Variants in MAST4 observed in about 807,000 individuals in gnomAD.
MAST4 encodes the protein microtubule associated serine/threonine kinase family member 4, also known as microtubule-associated serine/threonine-protein kinase 4.
A neutral mutation model predicts 162.7 loss-of-function variants in MAST4; 89 were observed. The observed-to-expected ratio is 0.55, with a 90% CI of 0.46 to 0.65. The LOEUF (loss-of-function observed/expected upper bound fraction) is 0.65. Ranked by LOEUF, MAST4 falls within the 30% of genes least tolerant of loss-of-function variation. The pLI, the probability that MAST4 is intolerant of heterozygous loss-of-function variation, is 0.00. For missense variants in MAST4, 3,153 were observed against 3,374.0 expected, an observed-to-expected ratio of 0.93 and a Z score of 1.62; for synonymous variants, 1,479 against 1,361.1, an observed-to-expected ratio of 1.09 and a Z score of -1.91.
intron 2 of MAST4, among the ~76,000 whole-genome samples, chr5:66,775,664 CTTCAAAAGAACAAT>C (rs1225546097): frequency 6.3e-4 from 57 of 90,894 alleles, no homozygotes; most frequent in Middle Eastern, 6.1e-3. Flanking sequence ...AAAAATGGTT[CTTCAAAAGAACAAT>C]GGTTCTTTTG....
At chr5:66,868,473 G>A (rs1335748028) in intron 3 of MAST4, among the ~76,000 whole-genome samples, 3 of 144,996 alleles carry the variant, frequency 2.1e-5, no homozygotes, top group African/African-American at 5.1e-5. Context: ...ATATATATAC[G>A]CAAATAACCA....
chr5:66,879,580 C>G (rs909827920), intron 3 of MAST4, among the ~76,000 whole-genome samples: 1 of 152,198 alleles, frequency 6.6e-6, no homozygotes, highest in African/African-American at 2.4e-5. Context: ...CCATCACTCA[C>G]GGCTCACTGT....
At chr5:67,146,490 T>C (rs891258586) in intron 23 of MAST4, among the ~76,000 whole-genome samples, 3 of 152,252 alleles carry the variant, frequency 2.0e-5, no homozygotes, top group Non-Finnish European at 4.4e-5. Context: ...ATTGCTGTAA[T>C]GAATGTTTTC....
At chr5:66,673,389 G>C (rs1403232874) in intron 1 of MAST4, among the ~76,000 whole-genome samples, 2 of 150,648 alleles carry the variant, frequency 1.3e-5, no homozygotes, top group Non-Finnish European at 2.9e-5. Flanking sequence ...TGTTCTAAAG[G>C]TATTTATTGT....
chr5:66,849,967 C>A (rs533825351), intron 3 of MAST4, among the ~76,000 whole-genome samples: 1 of 152,260 alleles, frequency 6.6e-6, no homozygotes, highest in African/African-American at 2.4e-5. Flanking sequence ...TATTACCTCA[C>A]AGGCATGAGG....
intron 3 of MAST4, among the ~76,000 whole-genome samples, chr5:66,807,691 T>G (rs189902091): frequency 2.2e-3 from 340 of 151,988 alleles, no homozygotes; most frequent in Non-Finnish European, 4.0e-3. Context: ...GAATTTGCAT[T>G]CTCATACTCA....
At chr5:66,602,172 C>T (rs545097266) in intron 1 of MAST4, among the ~76,000 whole-genome samples, 26 of 152,164 alleles carry the variant, frequency 1.7e-4, no homozygotes, top group African/African-American at 2.4e-4. Context: ...ATTACCATGA[C>T]GGGAGAGTGA....
In MAST4 at chr5:67,163,236, G is replaced by C; in HGVS notation, c.4057G>C (p.Gly1353Arg). Residue 1353 changes from glycine to arginine, a missense_variant, in exon 29 of 29, where the codon GGT becomes CGT. Around this residue, in one of 7 missense-constraint regions of MAST4, gnomAD observed 619 missense variants for 744.2 expected, o/e 0.83. Coordinates refer to ENST00000403625, the MANE Select transcript of MAST4 (RefSeq NM_001164664.2). The surrounding 1 kb of genome is among the most constrained non-coding windows in gnomAD (Gnocchi z 7.0). ...GCACATCCGGCCCAGCACTCTCCAC[G>C]GTCTTGCACCCAAACTCGGCGGGCA... Reference protein sequence around the residue: ...SGHIRPSTLHGLAPKLGGQRY... With the variant: ...SGHIRPSTLHRLAPKLGGQRY... 1.2e-6 allele frequency: 2 copies of C among 1,613,768 alleles called. No homozygotes were observed. The highest frequency in any genetic ancestry group is 1.7e-6 in the Non-Finnish European group (2 of 1,179,876).
intron 15 of MAST4, among the ~76,000 whole-genome samples, 165 bp downstream of exon 15, chr5:67,130,583 G>A (rs1224199439): frequency 2.0e-5 from 3 of 152,282 alleles, no homozygotes; most frequent in South Asian, 2.1e-4. Flanking sequence ...ATAATTGCTT[G>A]TAAAGTGCCT....
At chr5:66,938,907 A>C (rs1398223910) in intron 4 of MAST4, among the ~76,000 whole-genome samples, 1 of 152,180 alleles carries the variant, frequency 6.6e-6, no homozygotes, top group African/African-American at 2.4e-5. Flanking sequence ...AATAGTGAAA[A>C]ATAAAGGTTG....
At chr5:66,679,107 T>A (rs1467852400) in intron 1 of MAST4, among the ~76,000 whole-genome samples, 1 of 152,186 alleles carries the variant, frequency 6.6e-6, no homozygotes, top group Admixed American at 6.5e-5. Flanking sequence ...ACAATTTTTA[T>A]TTGTCAATTA....
intron 20 of MAST4, 90 bp downstream of exon 20, chr5:67,142,327 C>G: frequency 8.4e-6 from 13 of 1,543,480 alleles, no homozygotes; most frequent in Non-Finnish European, 1.2e-5. Flanking sequence ...TCTCTGAGTT[C>G]TTAAACATAA....
intron 1 of MAST4, among the ~76,000 whole-genome samples, chr5:66,606,571 C>G (rs1449263104): frequency 6.6e-6 from 1 of 152,132 alleles, no homozygotes; most frequent in Non-Finnish European, 1.5e-5. Flanking sequence ...GCTGCATTAT[C>G]TTTGTTCCTG....
chr5:67,034,307 A>C (rs1755741808), intron 4 of MAST4, among the ~76,000 whole-genome samples: 1 of 152,174 alleles, frequency 6.6e-6, no homozygotes, highest in South Asian at 2.1e-4. Flanking sequence ...CCTTTTCTGC[A>C]ACCTATATGG....
intron 3 of MAST4, among the ~76,000 whole-genome samples, chr5:66,824,591 T>G (rs1459884464): frequency 6.6e-6 from 1 of 152,230 alleles, no homozygotes; most frequent in African/African-American, 2.4e-5. Flanking sequence ...TTGCTTACTT[T>G]GGGGTAACCA....
At chr5:66,913,546 T>C (rs1270896544) in intron 4 of MAST4, among the ~76,000 whole-genome samples, 10 of 152,240 alleles carry the variant, frequency 6.6e-5, no homozygotes, top group African/African-American at 2.4e-4. Flanking sequence ...GGGTTGTTTA[T>C]AGCTTTTGAC....
Position 66,615,327 on chromosome 5 carries a change from C to T in MAST4, c.363+18309C>T, listed in dbSNP as rs188752640. Among the ~76,000 whole-genome samples the T allele has an allele frequency of 1.3e-4, 20 of 152,112 alleles. No homozygotes were observed. The East Asian group carries it at 2.1e-3, about 16-fold the overall frequency. ...TCTGGGGAGGCTGGACTTTAGACAC[C>T]GGGTTTCCTGCCTGGCAGAGGTTCA... On this transcript the variant is annotated intron_variant, in intron 1 of 28. Coordinates refer to ENST00000403625, the MANE Select transcript of MAST4 (RefSeq NM_001164664.2).
In MAST4 at chr5:66,991,155, G is replaced by T. The variant is rs572840669; in HGVS notation, c.675-63249G>T. 3.6e-4 allele frequency among the ~76,000 whole-genome samples: 55 copies of T among 152,266 alleles called. 1 individual carries two copies. The highest frequency in any genetic ancestry group is 6.8e-3 in the Middle Eastern group (2 of 294). Reference sequence around the variant, plus strand: ...ATTAGAAAAACTGGCTGGCTGGTTTGCATATTCTGGTCTATTCATTTGTTC... The same window carrying T: ...ATTAGAAAAACTGGCTGGCTGGTTTTCATATTCTGGTCTATTCATTTGTTC... On this transcript the variant is annotated intron_variant, in intron 4 of 28. Coordinates refer to ENST00000403625, the MANE Select transcript of MAST4 (RefSeq NM_001164664.2).
intron 4 of MAST4, among the ~76,000 whole-genome samples, chr5:67,022,633 T>C (rs956527715): frequency 3.3e-5 from 5 of 152,142 alleles, no homozygotes; most frequent in African/African-American, 9.7e-5. Flanking sequence ...TTTACTGAAT[T>C]GTCATCAGTA....
Sources: gnomAD v4.1 joint callset for allele counts (sites outside exome capture counted in the v4.1 genomes callset) on GRCh38, gnomAD v4.1.1 for gene constraint, gnomAD v4.1.1 regional missense constraint, Gnocchi (gnomAD v3.1) non-coding constraint, MANE v1.5 for transcripts, NCBI Gene and HGNC (gene_info 2026-07-23, HGNC 2026-07-21) for gene names.